The following NAV2 variants were observed in gnomAD, a reference collection of about 807,000 sequenced individuals.
NAV2 encodes the protein helicase, APC down-regulated 1.
NAV2 carries 54 observed loss-of-function variants against 223.2 expected under a neutral mutation model. The ratio of observed to expected loss-of-function variants is 0.24; its 90% CI spans 0.19 to 0.30. The LOEUF is 0.30. Ranked by LOEUF, NAV2 falls within the 10% of genes least tolerant of loss-of-function variation. The pLI is 1.00. For synonymous variants in NAV2, 1,279 were observed against 1,239.3 expected (o/e 1.03, Z -0.67); for missense variants, 2,806 against 3,147.5 (o/e 0.89, Z 2.60).
chr11:19,857,976 C>T (rs1395547563), intron 3 of NAV2, among the ~76,000 whole-genome samples: 1 of 152,172 alleles, frequency 6.6e-6, no homozygotes, highest in Non-Finnish European at 1.5e-5. Flanking sequence ...CCTGCCTCAG[C>T]CTCCCAAGTC....
chr11:19,414,048 G>A lies in NAV2; in HGVS notation c.75+63021G>A, dbSNP rs935092911. On this transcript the variant is annotated intron_variant, in intron 1 of 37. Transcript: ENST00000360655. ...ATAACCAGCTAGCATCATAATGACA[G>A]GATCAAATTCACACATAACAAGATT... is the stretch of plus-strand genomic sequence containing the variant. 2.0e-5 allele frequency among the ~76,000 whole-genome samples: 3 copies of A among 152,160 alleles called. No homozygotes were observed. In the East Asian group the frequency reaches 5.8e-4, roughly 29 times the overall value.
intron 1 of NAV2, chr11:19,714,172 A>G (rs989539848): frequency 6.9e-6 from 5 of 720,092 alleles, no homozygotes; most frequent in Non-Finnish European, 9.8e-6. Context: ...TTGCCTTAAG[A>G]GCTCTTCGAG....
chr11:19,759,851 G>A (rs774992517), intron 1 of NAV2, among the ~76,000 whole-genome samples: 8 of 152,086 alleles, frequency 5.3e-5, no homozygotes, highest in Admixed American at 3.3e-4. Context: ...CGTTTGAGGC[G>A]CAGGTGCAGA....
At chr11:19,737,247 C>T (rs2152439959) in intron 1 of NAV2, among the ~76,000 whole-genome samples, 1 of 152,276 alleles carries the variant, frequency 6.6e-6, no homozygotes, top group African/African-American at 2.4e-5. Context: ...TAGAGAATTT[C>T]AAAGAGAGCA....
chr11:19,473,622 C>G (rs2042030855), intron 1 of NAV2, among the ~76,000 whole-genome samples: 1 of 152,138 alleles, frequency 6.6e-6, no homozygotes. Flanking sequence ...CAGTGTCATG[C>G]ATATAGCTGT....
chr11:19,645,751 C>A (rs2047798235), intron 1 of NAV2, among the ~76,000 whole-genome samples: 1 of 152,018 alleles, frequency 6.6e-6, no homozygotes, highest in Non-Finnish European at 1.5e-5. Flanking sequence ...TTTGCCATTA[C>A]TTTTAATGGT....
At chr11:19,390,567 T>G (rs1849207878) in intron 1 of NAV2, among the ~76,000 whole-genome samples, 1 of 152,180 alleles carries the variant, frequency 6.6e-6, no homozygotes, top group Non-Finnish European at 1.5e-5. Context: ...ATCATAAAGT[T>G]TCAGTTGGGG....
chr11:19,899,633 G>A (rs2042279574), intron 6 of NAV2, among the ~76,000 whole-genome samples: 1 of 152,224 alleles, frequency 6.6e-6, no homozygotes, highest in South Asian at 2.1e-4. Context: ...CAGTCTCAGA[G>A]AGGAATGATG....
At chr11:19,925,661 T>G (rs1407019002) in intron 6 of NAV2, among the ~76,000 whole-genome samples, 1 of 151,856 alleles carries the variant, frequency 6.6e-6, no homozygotes, top group Admixed American at 6.6e-5. Flanking sequence ...GGCAAGAGAA[T>G]TGCTTGAACC....
intron 1 of NAV2, among the ~76,000 whole-genome samples, chr11:19,604,751 C>T (rs981008544): frequency 6.6e-6 from 1 of 152,186 alleles, no homozygotes; most frequent in Non-Finnish European, 1.5e-5. Flanking sequence ...TGAATTGTAG[C>T]TCCTGCAATT....
At chr11:19,494,736 G>A (rs143925839) in intron 1 of NAV2, among the ~76,000 whole-genome samples, 211 of 152,314 alleles carry the variant, frequency 1.4e-3, no homozygotes, top group African/African-American at 4.9e-3. Context: ...AAAACCACTG[G>A]ATGACCTAGA....
chr11:19,998,343 G>A lies in NAV2; in HGVS notation c.2768+14096G>A, dbSNP rs1038875463. Among the ~76,000 whole-genome samples, 6 of 151,776 alleles carry A rather than the reference G, an allele frequency of 4.0e-5. No homozygotes were observed. The highest frequency in any genetic ancestry group is 7.4e-5 in the Non-Finnish European group (5 of 67,984). Reference sequence around the variant, plus strand: ...TGGCCATGGTGCAGGGGTCTAGGCTGCCGTCCTCTCTCATCTGAGCTCTCC... The same window carrying A: ...TGGCCATGGTGCAGGGGTCTAGGCTACCGTCCTCTCTCATCTGAGCTCTCC... On this transcript the variant is annotated intron_variant, in intron 11 of 37. Transcript: ENST00000349880. This position sits in a 1 kb window ranked among gnomAD's most constrained non-coding sequence, Gnocchi z 5.0.
intron 18 of NAV2, among the ~76,000 whole-genome samples, 184 bp from the exon 19 acceptor site, chr11:20,055,585 C>T (rs2058315572): frequency 6.6e-6 from 1 of 152,202 alleles, no homozygotes; most frequent in Admixed American, 6.5e-5. Flanking sequence ...TGCCTTTTTA[C>T]TCTTATTTTT....
intron 6 of NAV2, among the ~76,000 whole-genome samples, chr11:19,918,174 C>T (rs1337995175): frequency 6.6e-6 from 1 of 152,230 alleles, no homozygotes; most frequent in Non-Finnish European, 1.5e-5. Flanking sequence ...TTCCTGCCTT[C>T]ATCTTCTCCT....
rs374935498 is a variant in NAV2 at position 19,903,130 on chromosome 11, C to T, written c.931+10536C>T. Among the ~76,000 whole-genome samples, 123 of 152,286 alleles carry T rather than the reference C, an allele frequency of 8.1e-4. 2 individuals carry two copies. The South Asian group carries it at 0.024, about 30-fold the overall frequency. ...CAGCTTGCCTTTGTGATTCCATCAA[C>T]GTGTGCATTTCATTAGGGTACCAGT... On this transcript the variant is annotated intron_variant, in intron 6 of 37. Transcript: ENST00000349880.
chr11:19,646,767 T>C (rs1028789407), intron 1 of NAV2, among the ~76,000 whole-genome samples: 2 of 152,186 alleles, frequency 1.3e-5, no homozygotes, highest in Admixed American at 1.3e-4. Context: ...CATTGTGAGG[T>C]AGGCATTATA....
intron 1 of NAV2, among the ~76,000 whole-genome samples, chr11:19,429,320 G>A (rs757307155): frequency 5.5e-4 from 84 of 152,314 alleles, no homozygotes; most frequent in Non-Finnish European, 9.6e-4. Flanking sequence ...AAGTCTAAAG[G>A]TCTCCAGTCA....
At chr11:19,923,573 G>A (rs867352054) in intron 6 of NAV2, among the ~76,000 whole-genome samples, 1 of 152,188 alleles carries the variant, frequency 6.6e-6, no homozygotes, top group Admixed American at 6.5e-5. Flanking sequence ...AGAAAGATTG[G>A]GCTGGGCTCC....
intron 1 of NAV2, among the ~76,000 whole-genome samples, chr11:19,442,204 C>T (rs996282687): frequency 6.6e-6 from 1 of 152,212 alleles, no homozygotes; most frequent in Admixed American, 6.5e-5. Context: ...CTGCACTCTC[C>T]CTCCTCCCCA....
Sources: allele counts gnomAD v4.1 joint callset (sites outside exome capture counted in the v4.1 genomes callset), GRCh38; gene constraint gnomAD v4.1.1; non-coding constraint Gnocchi (gnomAD v3.1); transcripts MANE v1.5; gene names NCBI Gene and HGNC (gene_info 2026-07-23, HGNC 2026-07-21).